The following ANKS1B variants were observed in gnomAD, a reference collection of about 807,000 sequenced individuals.
ANKS1B encodes the protein ankyrin repeat and sterile alpha motif domain-containing protein 1B.
A neutral mutation model predicts 148.3 loss-of-function variants in ANKS1B; 36 were observed. The observed-to-expected ratio is 0.24, with a 90% CI of 0.19 to 0.32. The LOEUF is 0.32. ANKS1B is among the 10% of genes least tolerant of loss of function. The pLI is 1.00. For synonymous variants in ANKS1B, 542 were observed against 560.8 expected (o/e 0.97, Z 0.47); for missense variants, 1,157 against 1,542.6 (o/e 0.75, Z 4.19).
chr12:99,640,136 C>A (rs1484909077), intron 9 of ANKS1B, among the ~76,000 whole-genome samples: 1 of 152,018 alleles, frequency 6.6e-6, no homozygotes, highest in Non-Finnish European at 1.5e-5. Flanking sequence ...TGTGCCACTG[C>A]ACTCCAGCCT....
At chr12:99,234,236 C>T (rs773044056) in intron 14 of ANKS1B, among the ~76,000 whole-genome samples, 1 of 152,114 alleles carries the variant, frequency 6.6e-6, no homozygotes, top group Non-Finnish European at 1.5e-5. Flanking sequence ...CATTGCCTGT[C>T]CCTTCCCAAT....
intron 12 of ANKS1B, among the ~76,000 whole-genome samples, chr12:99,351,023 T>C (rs2152385243): frequency 6.6e-6 from 1 of 152,270 alleles, no homozygotes; most frequent in South Asian, 2.1e-4. Context: ...TCTAGGTTTA[T>C]GAGTCATTTT....
At chr12:98,820,159 T>C (rs1319371351) in intron 19 of ANKS1B, among the ~76,000 whole-genome samples, 3 of 152,242 alleles carry the variant, frequency 2.0e-5, no homozygotes, top group African/African-American at 7.2e-5. Context: ...CCACGTCCGC[T>C]AGTTCCCAGT....
rs536252134 is a variant in ANKS1B at position 98,850,123 on chromosome 12, C to A, written c.2779-17987G>T. On this transcript the variant is annotated intron_variant, in intron 17 of 26. Coordinates refer to ENST00000683438, the MANE Select transcript of ANKS1B (RefSeq NM_001352186.2). ...GAGACAGACAGACAACCCCATGACA[C>A]ACTATTTAAAACTCTTATCTTCATT... is the stretch of plus-strand genomic sequence containing the variant. 2.0e-4 allele frequency among the ~76,000 whole-genome samples: 31 copies of A among 152,252 alleles called. 1 individual carries two copies. In the East Asian group the frequency reaches 5.0e-3, roughly 25 times the overall value.
intron 8 of ANKS1B, among the ~76,000 whole-genome samples, chr12:99,730,556 T>A (rs2059037324): frequency 6.6e-6 from 1 of 152,120 alleles, no homozygotes; most frequent in Non-Finnish European, 1.5e-5. Context: ...AAAGACTGCA[T>A]CTCATGAGTG....
chr12:98,867,068 C>T (rs561815744), intron 17 of ANKS1B, among the ~76,000 whole-genome samples: 6 of 152,240 alleles, frequency 3.9e-5, no homozygotes, highest in Non-Finnish European at 5.9e-5. Flanking sequence ...TAGGGAAAAA[C>T]TATATGCAGA....
rs115785091 is a variant in ANKS1B, at chr12:99,189,236, G to A, written c.2420-34841C>T. On this transcript the variant is annotated intron_variant, in intron 14 of 26. Transcript: ENST00000683438. ...ACCAAAAAAAAGTCCAGGACCAAACGGATTCGCAGCCGAATTCTACCAGTG... is the reference window on the plus strand; with the variant it reads ...ACCAAAAAAAAGTCCAGGACCAAACAGATTCGCAGCCGAATTCTACCAGTG... Among the ~76,000 whole-genome samples the A allele has an allele frequency of 7.5e-3, 1,143 of 152,188 alleles. 13 individuals are homozygous for A. Among genetic ancestry groups the A allele is most frequent in the African/African-American group, 0.025 (1,057 of 41,522 alleles).
At chr12:99,342,412 G>A (rs980817041) in intron 12 of ANKS1B, among the ~76,000 whole-genome samples, 1 of 151,982 alleles carries the variant, frequency 6.6e-6, no homozygotes, top group Non-Finnish European at 1.5e-5. Context: ...GGGATTGAAA[G>A]AAGTCAAGTG....
At chr12:99,009,407 C>G (rs4762535) in intron 17 of ANKS1B, among the ~76,000 whole-genome samples, 75,203 of 151,970 alleles carry the variant, frequency 0.49, 20,511 homozygotes, top group African/African-American at 0.74. Context: ...AAGAAGAGGG[C>G]CATTGTGGGG....
chr12:99,161,141 A>C (rs1431282210), intron 14 of ANKS1B, among the ~76,000 whole-genome samples: 1 of 152,222 alleles, frequency 6.6e-6, no homozygotes, highest in Non-Finnish European at 1.5e-5. Flanking sequence ...TTTTAACCAT[A>C]TTGATTCTTT....
At chr12:99,766,680 T>C (rs1002085362) in intron 8 of ANKS1B, among the ~76,000 whole-genome samples, 3 of 152,130 alleles carry the variant, frequency 2.0e-5, no homozygotes, top group African/African-American at 7.2e-5. Flanking sequence ...ACATAAGAAA[T>C]AGATTGTTCA....
chr12:98,968,203 ACATAGC>A (rs1189323390), intron 17 of ANKS1B, among the ~76,000 whole-genome samples: 3 of 152,204 alleles, frequency 2.0e-5, no homozygotes, highest in African/African-American at 4.8e-5. Context: ...GATAATTCTA[ACATAGC>A]CAGAGGTAAA....
intron 17 of ANKS1B, among the ~76,000 whole-genome samples, chr12:98,885,208 G>A (rs1168602974): frequency 6.6e-6 from 1 of 152,032 alleles, no homozygotes; most frequent in African/African-American, 2.4e-5. Context: ...GAGAAAAAAA[G>A]AGTAAACATT....
At chr12:99,805,263 C>CAAAAAAAAAAAAAAAAAAAAAAAAG (rs2067461845) in intron 4 of ANKS1B, among the ~76,000 whole-genome samples, 2 of 28,910 alleles carry the variant, frequency 6.9e-5, no homozygotes, top group Non-Finnish European at 1.2e-4. Flanking sequence ...GAGGAAAAGG[C>CAAAAAAAAAAAAAAAAAAAAAAAAG]AAAAAAAAAA....
At chr12:98,942,628 C>T (rs2099838769) in intron 17 of ANKS1B, among the ~76,000 whole-genome samples, 1 of 152,220 alleles carries the variant, frequency 6.6e-6, no homozygotes. Context: ...ACTTTAAGCT[C>T]TATGAGGGCA....
At chr12:99,346,180 A>T (rs1293954963) in intron 12 of ANKS1B, among the ~76,000 whole-genome samples, 1 of 151,948 alleles carries the variant, frequency 6.6e-6, no homozygotes, top group Admixed American at 6.6e-5. Flanking sequence ...GCTGATTGGG[A>T]TATCATATGA....
At chr12:99,533,377 T>C (rs2097023806) in intron 9 of ANKS1B, among the ~76,000 whole-genome samples, 1 of 152,214 alleles carries the variant, frequency 6.6e-6, no homozygotes, top group African/African-American at 2.4e-5. Context: ...TTAGTGTTTA[T>C]GTTGATTTTG....
At chr12:99,754,889 A>G (rs2061425710) in intron 8 of ANKS1B, among the ~76,000 whole-genome samples, 1 of 152,096 alleles carries the variant, frequency 6.6e-6, no homozygotes, top group Admixed American at 6.6e-5. Flanking sequence ...GCCCACGTCA[A>G]AAAGTTAGAA....
intron 15 of ANKS1B, among the ~76,000 whole-genome samples, chr12:99,113,929 G>A (rs1409031651): frequency 6.6e-6 from 1 of 152,174 alleles, no homozygotes; most frequent in Non-Finnish European, 1.5e-5. Context: ...TATACCTATA[G>A]TCATTCCTTT....
Sources: allele counts gnomAD v4.1 joint callset (sites outside exome capture counted in the v4.1 genomes callset), GRCh38; gene constraint gnomAD v4.1.1; transcripts MANE v1.5; gene names NCBI Gene and HGNC (gene_info 2026-07-23, HGNC 2026-07-21).